Variants in TLN2 observed in about 807,000 individuals in gnomAD.
TLN2 encodes talin 2, also known as talin-2.
TLN2 carries 118 observed loss-of-function variants against 294.7 expected under a neutral mutation model. That is an observed-to-expected ratio of 0.40 (90% confidence interval 0.34 to 0.47). The LOEUF (loss-of-function observed/expected upper bound fraction) is 0.47. TLN2 is among the 20% of genes least tolerant of loss of function. The pLI, the probability that TLN2 is intolerant of heterozygous loss-of-function variation, is 0.84. For missense variants in TLN2, 3,083 were observed against 3,282.2 expected (o/e 0.94, Z 1.48); for synonymous variants, 1,431 against 1,304.5 (o/e 1.10, Z -2.09).
At chr15:62,644,371 A>G in intron 3 of TLN2, 2 of 389,660 alleles carry the variant, frequency 5.1e-6, no homozygotes, top group Admixed American at 6.1e-5. Context: ...CTGCCAATTC[A>G]GAATGTTGTT....
At chr15:62,569,100 CCT>C (rs2043649670) in intron 1 of TLN2, among the ~76,000 whole-genome samples, 1 of 152,176 alleles carries the variant, frequency 6.6e-6, no homozygotes, top group African/African-American at 2.4e-5. Context: ...CCGCACTCTG[CCT>C]CTGTCTTCAT....
At chr15:62,692,989 A>C (rs1248492557) in intron 13 of TLN2, 48 bp downstream of exon 13, 3 of 1,533,252 alleles carry the variant, frequency 2.0e-6, no homozygotes, top group Non-Finnish European at 2.7e-6. Context: ...CTTTATTAAA[A>C]GGCTTGGTTT....
At chr15:62,613,852 CAA>C (rs774755284) in intron 2 of TLN2, among the ~76,000 whole-genome samples, 30 of 80,398 alleles carry the variant, frequency 3.7e-4, no homozygotes, top group African/African-American at 4.3e-4. Context: ...GAAGCCAGGC[CAA>C]AAAAAAAAAA....
chr15:62,760,163 GGGCCTGTCT>G (rs1235932781), intron 37 of TLN2, among the ~76,000 whole-genome samples: 1 of 152,184 alleles, frequency 6.6e-6, no homozygotes, highest in Non-Finnish European at 1.5e-5. Context: ...GGTAGGGTCA[GGGCCTGTCT>G]GGTGGGGGAA....
At chr15:62,534,650 G>A (rs76904358) in intron 1 of TLN2, among the ~76,000 whole-genome samples, 8,676 of 152,084 alleles carry the variant, frequency 0.057, 466 homozygotes, top group African/African-American at 0.14. Flanking sequence ...CTTCAGCCCC[G>A]CTCCCCTCCT....
At position 62,706,388 on chromosome 15, in the gene TLN2, C is replaced by T. The variant is rs537985736; in HGVS notation, c.2005-698C>T. On this transcript the variant is annotated intron_variant, in intron 19 of 58. Coordinates refer to ENST00000636159, the MANE Select transcript of TLN2 (RefSeq NM_015059.3). ...AGCATAAACTAGCTCCTCGCATTTTCAGTCAGACCATCTTATAGCTAGTGT... is the reference window on the plus strand; with the variant it reads ...AGCATAAACTAGCTCCTCGCATTTTTAGTCAGACCATCTTATAGCTAGTGT... Among the ~76,000 whole-genome samples, 9 of 152,386 alleles carry T rather than the reference C, an allele frequency of 5.9e-5. 2 individuals carry two copies. The highest frequency in any genetic ancestry group is 2.2e-4 in the African/African-American group (9 of 41,596).
At chr15:62,701,880 G>A in intron 17 of TLN2, 112 bp from the exon 18 acceptor site, 2 of 1,236,714 alleles carry the variant, frequency 1.6e-6, no homozygotes, top group Non-Finnish European at 2.3e-6. Context: ...GAAGCTTGGT[G>A]TCTGACTCCT....
At position 62,671,286 on chromosome 15, in the gene TLN2, A is replaced by G. The variant is rs2055386860; in HGVS notation, c.789-2541A>G. Among the ~76,000 whole-genome samples, 3 of 152,292 alleles carry G rather than the reference A, an allele frequency of 2.0e-5. No individual in the cohort carries two copies. In the South Asian group the frequency reaches 6.2e-4, roughly 32 times the overall value. ...CAATTTAAAAGTTTATAATTTTGAA[A>G]TAGTCCATTTTATTTTTTTTCTTTT... On this transcript the variant is annotated intron_variant, in intron 9 of 58. Coordinates refer to ENST00000636159, the MANE Select transcript of TLN2 (RefSeq NM_015059.3).
chr15:62,809,853 G>A lies in TLN2; in HGVS notation c.6664-72G>A, dbSNP rs1207743532. On this transcript the variant is annotated intron_variant, in intron 51 of 58. Transcript: ENST00000636159. ...GAGGTCACCAGGGTTAAGGTCTCTT[G>A]CCTCTGAGTCTGGGACTGCCCAATG... is the stretch of plus-strand genomic sequence containing the variant. 3.5e-6 allele frequency: 5 copies of A among 1,442,290 alleles called. No individual in the cohort carries two copies. In the East Asian group the frequency reaches 9.6e-5, roughly 28 times the overall value. 89.3% of individuals were successfully genotyped at this position (1,442,290 alleles called of 1,614,324 possible).
At chr15:62,825,777 A>ATATATTATATATTATAATATATTT (rs2068031909) in intron 54 of TLN2, among the ~76,000 whole-genome samples, 1 of 24,662 alleles carries the variant, frequency 4.1e-5, no homozygotes, top group South Asian at 7.7e-4. Context: ...ATATTATATA[A>ATATATTATATATTATAATATATTT]TATATTATAT....
At chr15:62,577,357 T>A (rs1331816237) in intron 1 of TLN2, among the ~76,000 whole-genome samples, 1 of 152,106 alleles carries the variant, frequency 6.6e-6, no homozygotes, top group Non-Finnish European at 1.5e-5. Context: ...GGCAGGTGAA[T>A]CACTTGAACC....
intron 2 of TLN2, among the ~76,000 whole-genome samples, chr15:62,593,146 C>T (rs375310955): frequency 1.3e-5 from 2 of 152,284 alleles, no homozygotes; most frequent in South Asian, 2.1e-4. Context: ...AGGGCTATGA[C>T]GTCAGTGAAG....
rs756569466 is a variant in TLN2, at chr15:62,702,090, G to A, written c.1795G>A (p.Ala599Thr). 20 of 1,614,080 alleles carry A rather than the reference G, an allele frequency of 1.2e-5. No individual in the cohort carries two copies. Among genetic ancestry groups the A allele is most frequent in the East Asian group, 4.5e-5 (2 of 44,900 alleles). ...EMSKGVKLLA[A>T]LMDDEVGSGE... ...GTCCAAGGGTGTGAAGCTATTGGCC[G>A]CCCTCATGGATGATGAGGTGGGCAG... The change falls in exon 18 of 59, where the codon GCC (alanine) becomes ACC (threonine). Residue 599 changes from alanine (A) to threonine (T), a missense_variant. By Grantham distance (58) the Ala-to-Thr change is moderately conservative. Coordinates refer to ENST00000636159, the MANE Select transcript of TLN2 (RefSeq NM_015059.3).
chr15:62,660,020 T>G (rs1039668260), intron 9 of TLN2, among the ~76,000 whole-genome samples: 1 of 152,182 alleles, frequency 6.6e-6, no homozygotes, highest in Non-Finnish European at 1.5e-5. Flanking sequence ...TTTCCCAATC[T>G]AGCTTTCATA....
In TLN2 at chr15:62,750,498, C is replaced by T. The variant is rs377014915; in HGVS notation, c.4209+7C>T. On this transcript the variant is annotated splice_region_variant and intron_variant, in intron 34 of 58. Transcript: ENST00000636159. ...TGTGATGGAAAACTCCAAGGTAAGA[C>T]TGCCTATGCCGTAAGTCAGAAGTTA... 1.6e-5 allele frequency: 26 copies of T among 1,611,752 alleles called. No individual in the cohort carries two copies. The African/African-American group carries it at 3.2e-4, about 20-fold the overall frequency.
chr15:62,553,936 T>TC (rs1347814705), intron 1 of TLN2, among the ~76,000 whole-genome samples: 1 of 151,476 alleles, frequency 6.6e-6, no homozygotes, highest in East Asian at 1.9e-4. Flanking sequence ...TTTAATCTAA[T>TC]CTTTTTTTTT....
At chr15:62,574,707 A>G (rs2044241485) in intron 1 of TLN2, among the ~76,000 whole-genome samples, 1 of 145,678 alleles carries the variant, frequency 6.9e-6, no homozygotes, top group African/African-American at 2.5e-5. Context: ...CTTGAACTTT[A>G]GTTTGCATAA....
At position 62,805,589 on chromosome 15, in the gene TLN2, C is replaced by T. The variant is rs755515380; in HGVS notation, c.6478-11C>T. On this transcript the variant is annotated splice_polypyrimidine_tract_variant and intron_variant, in intron 50 of 58. Coordinates refer to ENST00000636159, the MANE Select transcript of TLN2 (RefSeq NM_015059.3). ...TTTGATTTTTTTAACCTCTCTGTTT[C>T]TGACTTCCAGGTGTTCCAGTCAAAA... is the stretch of plus-strand genomic sequence containing the variant. The T allele has an allele frequency of 6.3e-7, 1 of 1,583,002 alleles. No homozygotes were observed. The highest frequency in any genetic ancestry group is 1.8e-5 in the Admixed American group (1 of 57,088).
intron 3 of TLN2, among the ~76,000 whole-genome samples, chr15:62,631,161 A>G (rs2049777532): frequency 2.0e-5 from 3 of 152,162 alleles, no homozygotes; most frequent in South Asian, 4.2e-4. Context: ...GCAGCTTCTC[A>G]TACCTCCCAG....
Sources: allele counts gnomAD v4.1 joint callset (sites outside exome capture counted in the v4.1 genomes callset), GRCh38; gene constraint gnomAD v4.1.1; transcripts MANE v1.5; gene names NCBI Gene and HGNC (gene_info 2026-07-23, HGNC 2026-07-21).